Variants in SLC25A16 observed in about 807,000 individuals in gnomAD.
SLC25A16 encodes solute carrier family 25 member 16.
Under a neutral mutation model 41.5 loss-of-function variants are expected in SLC25A16, and 39 were observed. The observed-to-expected ratio is 0.94, with a 90% CI of 0.73 to 1.23. The LOEUF (loss-of-function observed/expected upper bound fraction) is 1.23. Ranked by LOEUF, SLC25A16 falls within the 50% of genes most tolerant of loss-of-function variation. The probability of loss-of-function intolerance (pLI) is 0.00; values close to 1 mark genes in which losing one functional copy is unlikely to be tolerated. For synonymous variants in SLC25A16, 146 were observed against 147.8 expected (o/e 0.99, Z 0.09); for missense variants, 421 against 426.9 (o/e 0.99, Z 0.12).
rs971876668 is a variant in SLC25A16 at position 68,488,466 on chromosome 10, C to T, written c.773+1G>A. On this transcript the variant is annotated splice_donor_variant, in intron 7 of 8. Transcript: ENST00000609923. LOFTEE classifies it high-confidence loss of function. ...TAAATTAAGTTAGTGAAGAAACTTA[C>T]GATATTGTCTGCGCTATTGCTCCAG... 4.0e-6 allele frequency: 6 copies of T among 1,494,934 alleles called. No individual in the cohort carries two copies. The highest frequency in any genetic ancestry group is 2.5e-5 in the East Asian group (1 of 40,652). The allele number at this position is 1,494,934 out of a possible 1,614,324, so 92.6% of individuals were successfully genotyped here.
At chr10:68,486,340 C>T (rs2052563022) in intron 8 of SLC25A16, among the ~76,000 whole-genome samples, 1 of 151,834 alleles carries the variant, frequency 6.6e-6, no homozygotes, top group Non-Finnish European at 1.5e-5. Flanking sequence ...AGTGATCCTC[C>T]CACCTTGGCC....
rs1285074602 is a variant in SLC25A16, at chr10:68,493,475, G to A, written c.517C>T (p.His173Tyr). ...TTTGCATAAATTGTTTTGAAAGCAT[G>A]AATAATTCCTGTATAGCTGTGTTCC... ...KGEHSYTGII[H>Y]AFKTIYAKEG... Residue 173 changes from histidine to tyrosine, a missense_variant, in exon 5 of 9, where the codon CAT (histidine) becomes TAT (tyrosine). His to Tyr is a moderately conservative substitution (Grantham distance 83). Transcript: ENST00000609923. 3 of 1,613,194 alleles carry A rather than the reference G, an allele frequency of 1.9e-6. No homozygotes were observed. The highest frequency in any genetic ancestry group is 8.5e-7 in the Non-Finnish European group (1 of 1,179,396).
intron 4 of SLC25A16, among the ~76,000 whole-genome samples, chr10:68,500,464 T>C (rs573746709): frequency 1.0e-3 from 157 of 152,072 alleles, no homozygotes; most frequent in Middle Eastern, 3.4e-3. Context: ...CCAACCACCA[T>C]GCCTGGCTAA....
At chr10:68,515,365 G>GAAAAAAAAAAAAAAAAAAAAA (rs59305144) in intron 2 of SLC25A16, among the ~76,000 whole-genome samples, 3 of 134,930 alleles carry the variant, frequency 2.2e-5, no homozygotes, top group Non-Finnish European at 3.2e-5. Context: ...TCCAAAAAAA[G>GAAAAAAAAAAAAAAAAAAAAA]AAAAAAAAAA....
At chr10:68,491,084 G>A (rs2052649818) in intron 6 of SLC25A16, among the ~76,000 whole-genome samples, 1 of 151,938 alleles carries the variant, frequency 6.6e-6, no homozygotes, top group South Asian at 2.1e-4. Context: ...TCCCCATGCT[G>A]CCAAGGCTGG....
At chr10:68,500,647 T>C (rs1221639244) in intron 4 of SLC25A16, among the ~76,000 whole-genome samples, 2 of 150,382 alleles carry the variant, frequency 1.3e-5, no homozygotes, top group African/African-American at 4.9e-5. Flanking sequence ...AACCTGATTA[T>C]AGGACAGGCA....
intron 2 of SLC25A16, among the ~76,000 whole-genome samples, chr10:68,512,756 G>A (rs1004084733): frequency 6.6e-6 from 1 of 152,020 alleles, no homozygotes; most frequent in Non-Finnish European, 1.5e-5. Context: ...TGTTGGTTGG[G>A]GCTGGAAGTG....
At chr10:68,492,695 A>G (rs1478581889) in intron 6 of SLC25A16, among the ~76,000 whole-genome samples, 1 of 152,198 alleles carries the variant, frequency 6.6e-6, no homozygotes, top group Non-Finnish European at 1.5e-5. Context: ...AAAACAAAAA[A>G]AAACAGGACT....
chr10:68,489,931 A>T (rs1278366409), intron 6 of SLC25A16, among the ~76,000 whole-genome samples: 2 of 149,570 alleles, frequency 1.3e-5, no homozygotes, highest in Non-Finnish European at 3.0e-5. Flanking sequence ...AGAAAGATTC[A>T]TAAGGGATTT....
Position 68,503,697 on chromosome 10 carries a change from T to G in SLC25A16, c.358-2A>C, listed in dbSNP as rs750968323. On this transcript the variant is annotated splice_acceptor_variant, in intron 3 of 8. Transcript: ENST00000609923. LOFTEE classifies it high-confidence loss of function. ...AATTCCCAGCTTCGTAGTAATTAAC[T>G]AGAAAACAAGAACACTGAATTAAAT... 1 of 1,586,040 alleles carries G rather than the reference T, an allele frequency of 6.3e-7. No homozygotes were observed. Among genetic ancestry groups the G allele is most frequent in the Non-Finnish European group, 8.6e-7 (1 of 1,156,838 alleles).
intron 1 of SLC25A16, among the ~76,000 whole-genome samples, chr10:68,524,353 C>T (rs192033288): frequency 1.5e-5 from 2 of 129,256 alleles, no homozygotes; most frequent in African/African-American, 6.4e-5. Context: ...ACCATCCTGG[C>T]CAACATGGTA....
Position 68,527,412 on chromosome 10 carries a change from C to G in SLC25A16, c.-37G>C, listed in dbSNP as rs1402769341. 1.4e-6 allele frequency: 2 copies of G among 1,441,152 alleles called. No individual in the cohort carries two copies. Among genetic ancestry groups the G allele is most frequent in the African/African-American group, 3.0e-5 (2 of 66,886 alleles). The allele number at this position is 1,441,152 out of a possible 1,614,324, so 89.3% of individuals were successfully genotyped here. On this transcript the variant is annotated 5_prime_UTR_variant, in exon 1 of 9. Coordinates refer to ENST00000609923, the MANE Select transcript of SLC25A16 (RefSeq NM_152707.4). ...TCGCGTCAGGAGCCTAGGTTGCCAACTTACAGAACACCGGACGGGACCATA... is the reference window on the plus strand; with the variant it reads ...TCGCGTCAGGAGCCTAGGTTGCCAAGTTACAGAACACCGGACGGGACCATA...
chr10:68,508,100 G>A (rs868804816), intron 2 of SLC25A16, among the ~76,000 whole-genome samples: 4 of 151,996 alleles, frequency 2.6e-5, no homozygotes, highest in East Asian at 1.9e-4. Flanking sequence ...GCATGGTGTC[G>A]TGCGCCTGTA....
intron 6 of SLC25A16, 148 bp downstream of exon 6, chr10:68,492,984 A>G: frequency 1.6e-6 from 1 of 612,674 alleles, no homozygotes; most frequent in South Asian, 2.0e-5. Flanking sequence ...TTTATATCCA[A>G]GATATTATTA....
Position 68,527,493 on chromosome 10 carries a change from C to G in SLC25A16, c.-118G>C. 3.0e-6 allele frequency: 3 copies of G among 993,686 alleles called. No individual in the cohort carries two copies. The highest frequency in any genetic ancestry group is 4.2e-6 in the Non-Finnish European group (3 of 719,218). 61.6% of individuals were successfully genotyped at this position (993,686 alleles called of 1,614,324 possible). A position where few individuals can be genotyped will look rare whatever the true frequency, so the allele number is the denominator to read the frequency against. On this transcript the variant is annotated 5_prime_UTR_variant, in exon 1 of 9. Transcript: ENST00000609923. The stretch of plus-strand genomic sequence containing the variant: ...GCCCCGCCGGCGGGGCAAAGTAACA[C>G]CCGGCGGCGCGGCGCCGGCTGATGG...
At chr10:68,493,870 A>C (rs80211216) in intron 4 of SLC25A16, among the ~76,000 whole-genome samples, 3,141 of 152,236 alleles carry the variant, frequency 0.021, 97 homozygotes, top group African/African-American at 0.072. Context: ...TTATTCTACT[A>C]TTTATGTATT....
chr10:68,515,004 C>T (rs2053135837), intron 2 of SLC25A16, among the ~76,000 whole-genome samples: 1 of 151,308 alleles, frequency 6.6e-6, no homozygotes, highest in Non-Finnish European at 1.5e-5. Context: ...TCCCAAAGTA[C>T]TGGGAATACA....
Position 68,483,217 on chromosome 10 carries a change from T to C in SLC25A16, c.*215A>G. 2.6e-6 allele frequency: 1 copy of C among 382,986 alleles called. No individual in the cohort carries two copies. Among genetic ancestry groups the C allele is most frequent in the Non-Finnish European group, 4.6e-6 (1 of 215,710 alleles). The allele number at this position is 382,986 out of a possible 1,614,324, so 23.7% of individuals were successfully genotyped here. On this transcript the variant is annotated 3_prime_UTR_variant, in exon 9 of 9. Transcript: ENST00000609923. ...TTAGCCAGCATCAGCTTAGGAATAT[T>C]TTCTTCAATGTTCTAAGGTATAATG... is the stretch of plus-strand genomic sequence containing the variant.
chr10:68,527,287 G>A lies in SLC25A16; in HGVS notation c.89C>T (p.Thr30Ile). Residue 30 changes from threonine (T) to isoleucine (I), a missense_variant, in exon 1 of 9, where the codon ACC becomes ATC. Physicochemically the swap from Thr to Ile is moderately conservative, Grantham distance 89. Transcript: ENST00000609923. ...GCGCAGCCAGTAGAAGTCTCTGCGG[G>A]TTGTGGGCCCTCCGGCCCCTGCCGC... is the stretch of plus-strand genomic sequence containing the variant. ...PQAAGAGGPT[T>I]RRDFYWLRSF... 1 of 1,547,970 alleles carries A rather than the reference G, an allele frequency of 6.5e-7. No homozygotes were observed. Among genetic ancestry groups the A allele is most frequent in the Non-Finnish European group, 8.7e-7 (1 of 1,145,732 alleles).
Sources: allele counts gnomAD v4.1 joint callset (sites outside exome capture counted in the v4.1 genomes callset), GRCh38; gene constraint gnomAD v4.1.1; transcripts MANE v1.5; gene names NCBI Gene and HGNC (gene_info 2026-07-23, HGNC 2026-07-21).